AGPAT3: variants seen among roughly 807,000 people sequenced by gnomAD.
The protein encoded by AGPAT3 is 1-acyl-sn-glycerol-3-phosphate acyltransferase gamma.
A neutral mutation model predicts 47.3 loss-of-function variants in AGPAT3; 5 were observed. That is an observed-to-expected ratio of 0.11 (90% CI 0.06 to 0.22). AGPAT3 has a LOEUF of 0.22. AGPAT3 is among the 10% of genes least tolerant of loss of function. AGPAT3 has a pLI of 1.00. For synonymous variants in AGPAT3, 212 were observed against 208.3 expected (o/e 1.02, Z -0.15); for missense variants, 315 against 493.0 (o/e 0.64, Z 3.42).
At chr21:43,956,819 T>G (rs2088490077) in intron 2 of AGPAT3, among the ~76,000 whole-genome samples, 1 of 152,192 alleles carries the variant, frequency 6.6e-6, no homozygotes. Flanking sequence ...CGCTCACACA[T>G]CCTTGTGATG....
chr21:43,959,942 C>G (rs1271693395), intron 3 of AGPAT3, 83 bp downstream of exon 3: 1 of 1,442,970 alleles, frequency 6.9e-7, no homozygotes, highest in Non-Finnish European at 9.4e-7. Context: ...GCCGTGGGCT[C>G]TCAGGCAGGA....
chr21:43,880,414 C>T lies in AGPAT3; in HGVS notation c.-112+15069C>T, dbSNP rs939826501. Among the ~76,000 whole-genome samples, 8 of 152,164 alleles carry T rather than the reference C, an allele frequency of 5.3e-5. No homozygotes were observed. The highest frequency in any genetic ancestry group is 1.4e-4 in the African/African-American group (6 of 41,438). ...TTCTGGTGCCACTTCCTCAGGTATG[C>T]GAGGGCTGCCTTTGTAAGTCACTGG... On this transcript the variant is annotated intron_variant, in intron 1 of 9. Transcript: ENST00000291572. This position sits in a 1 kb window ranked among gnomAD's most constrained non-coding sequence, Gnocchi z 4.5.
In AGPAT3 at chr21:43,932,979, C is replaced by A. The variant is rs2087304771; in HGVS notation, c.-48-26655C>A. Among the ~76,000 whole-genome samples, 1 of 152,138 alleles carries A rather than the reference C, an allele frequency of 6.6e-6. No individual in the cohort carries two copies. The highest frequency in any genetic ancestry group is 2.4e-5 in the African/African-American group (1 of 41,418). On this transcript the variant is annotated intron_variant, in intron 2 of 9. Transcript: ENST00000291572. The surrounding 1 kb of genome is among the most constrained non-coding windows in gnomAD (Gnocchi z 5.2). The stretch of plus-strand genomic sequence containing the variant: ...GTTCCATTTTTGACTTTTGGAGGCA[C>A]CTCCAGATGGTTTGTGTAGTGGCCA...
At chr21:43,962,282 G>A (rs555713005) in intron 3 of AGPAT3, among the ~76,000 whole-genome samples, 5 of 152,080 alleles carry the variant, frequency 3.3e-5, no homozygotes, top group South Asian at 2.1e-4. Flanking sequence ...GATTACAGGC[G>A]TGAGCCACCG....
At chr21:43,892,438 G>A (rs2086122419) in intron 1 of AGPAT3, among the ~76,000 whole-genome samples, 1 of 152,310 alleles carries the variant, frequency 6.6e-6, no homozygotes, top group South Asian at 2.1e-4. Context: ...GTGACCACGT[G>A]CATTGGCAAT....
At chr21:43,974,073 G>A (rs2089503823) in intron 7 of AGPAT3, among the ~76,000 whole-genome samples, 2 of 151,986 alleles carry the variant, frequency 1.3e-5, no homozygotes, top group Non-Finnish European at 2.9e-5. Flanking sequence ...GTGTGTGTGT[G>A]TTCATGTGGG....
chr21:43,915,468 G>A (rs1340989013), intron 2 of AGPAT3, among the ~76,000 whole-genome samples: 1 of 122,712 alleles, frequency 8.1e-6, no homozygotes, highest in African/African-American at 3.2e-5. Context: ...CTGGAGTGCA[G>A]TGGTGCGATC....
chr21:43,872,373 G>C (rs1211819045), intron 1 of AGPAT3, among the ~76,000 whole-genome samples: 1 of 152,044 alleles, frequency 6.6e-6, no homozygotes, highest in Admixed American at 6.5e-5. Context: ...TAGAGACAGG[G>C]TTTCACCATG....
At position 43,885,111 on chromosome 21, in the gene AGPAT3, C is replaced by T. The variant is rs115504871; in HGVS notation, c.-111-18846C>T. On this transcript the variant is annotated intron_variant, in intron 1 of 9. Transcript: ENST00000291572. ...TGGCCCCTGACCTGTGTACACTGGC[C>T]GGCCGTGCTCCCCTCACCCTGCGGC... Among the ~76,000 whole-genome samples the T allele has an allele frequency of 4.5e-3, 685 of 152,350 alleles. 4 individuals are homozygous for T. Among genetic ancestry groups the T allele is most frequent in the African/African-American group, 0.016 (659 of 41,570 alleles).
chr21:43,881,617 A>G (rs766628756), intron 1 of AGPAT3, among the ~76,000 whole-genome samples: 10 of 152,258 alleles, frequency 6.6e-5, no homozygotes, highest in Non-Finnish European at 1.0e-4. Flanking sequence ...TACACGTAGA[A>G]ATGATAATAT....
At chr21:43,907,056 G>A (rs1292230183) in intron 2 of AGPAT3, among the ~76,000 whole-genome samples, 1 of 149,514 alleles carries the variant, frequency 6.7e-6, no homozygotes, top group South Asian at 2.1e-4. Flanking sequence ...TTTTGAGAGG[G>A]GGTCTCTCTC....
At chr21:43,942,790 C>A (rs186161878) in intron 2 of AGPAT3, among the ~76,000 whole-genome samples, 1 of 152,176 alleles carries the variant, frequency 6.6e-6, no homozygotes, top group Non-Finnish European at 1.5e-5. Flanking sequence ...TAGCCCCCTT[C>A]GGTGGCTCAC....
Position 43,927,808 on chromosome 21 carries a change from C to T in AGPAT3, c.-49+23789C>T, listed in dbSNP as rs530521838. On this transcript the variant is annotated intron_variant, in intron 2 of 9. Coordinates refer to ENST00000291572, the MANE Select transcript of AGPAT3 (RefSeq NM_020132.5). ...CCTCATCTGTAAGGTGTAAGGGCTT[C>T]CATGAGGAGCAAATGTGTGGGGCCA... is the stretch of plus-strand genomic sequence containing the variant. Among the ~76,000 whole-genome samples, 4 of 152,332 alleles carry T rather than the reference C, an allele frequency of 2.6e-5. No individual in the cohort carries two copies. The East Asian group carries it at 7.7e-4, about 29-fold the overall frequency.
At position 43,908,904 on chromosome 21, in the gene AGPAT3, GC is replaced by G. The variant is rs983062552; in HGVS notation, c.-49+4889del. On this transcript the variant is annotated intron_variant, in intron 2 of 9. Transcript: ENST00000291572. The surrounding 1 kb of genome is among the most constrained non-coding windows in gnomAD (Gnocchi z 4.9). ...GGCTCAGCTCACACGGTCCCCGGAT[GC>G]CCCTGCTGTGCTCCGAGGTTGGCCT... Among the ~76,000 whole-genome samples, 46 of 152,260 alleles carry G rather than the reference GC, an allele frequency of 3.0e-4. No individual in the cohort carries two copies. Among genetic ancestry groups the G allele is most frequent in the African/African-American group, 1.1e-3 (44 of 41,558 alleles).
In AGPAT3 at chr21:43,955,798, C is replaced by G. The variant is rs547956040; in HGVS notation, c.-48-3836C>G. 6.6e-6 allele frequency among the ~76,000 whole-genome samples: 1 copy of G among 150,998 alleles called. No individual in the cohort carries two copies. The highest frequency in any genetic ancestry group is 1.5e-5 in the Non-Finnish European group (1 of 67,886). The stretch of plus-strand genomic sequence containing the variant: ...GTGCATACCTGTGGTCCCAGCTACT[C>G]GGGAGGCTGAGGCATGAGAATTGCT... On this transcript the variant is annotated intron_variant, in intron 2 of 9. Coordinates refer to ENST00000291572, the MANE Select transcript of AGPAT3 (RefSeq NM_020132.5). The surrounding 1 kb of genome is among the most constrained non-coding windows in gnomAD (Gnocchi z 4.1).
Position 43,939,051 on chromosome 21 carries a change from G to A in AGPAT3, c.-48-20583G>A, listed in dbSNP as rs1569076332. ...CACAGTTTCCCACAGAGCACGCAGG[G>A]GCCGCACCAGGGCTGGGACGGGGCT... On this transcript the variant is annotated intron_variant, in intron 2 of 9. Coordinates refer to ENST00000291572, the MANE Select transcript of AGPAT3 (RefSeq NM_020132.5). This position sits in a 1 kb window ranked among gnomAD's most constrained non-coding sequence, Gnocchi z 4.4. 6.6e-6 allele frequency among the ~76,000 whole-genome samples: 1 copy of A among 152,308 alleles called. No homozygotes were observed. Among genetic ancestry groups the A allele is most frequent in the African/African-American group, 2.4e-5 (1 of 41,562 alleles).
chr21:43,873,256 C>T (rs553523199), intron 1 of AGPAT3, among the ~76,000 whole-genome samples: 10 of 152,276 alleles, frequency 6.6e-5, no homozygotes, highest in East Asian at 5.8e-4. Context: ...GTGCTACATT[C>T]GCCATGGAAA....
rs2029902589 is a variant in AGPAT3, at chr21:43,983,291, CAGA to C, written c.*905_*907del. 6.6e-6 allele frequency: 1 copy of C among 152,266 alleles called. No individual in the cohort carries two copies. The highest frequency in any genetic ancestry group is 1.5e-5 in the Non-Finnish European group (1 of 68,062). 9.4% of individuals were successfully genotyped at this position (152,266 alleles called of 1,614,324 possible). A position where few individuals can be genotyped will look rare whatever the true frequency, so the allele number is the denominator to read the frequency against. ...CAGCCTGTGGGACTCTAGGATGCTT[CAGA>C]AGAAGCGACGGCACCGTCAACCCTC... On this transcript the variant is annotated 3_prime_UTR_variant, in exon 10 of 10. Coordinates refer to ENST00000291572, the MANE Select transcript of AGPAT3 (RefSeq NM_020132.5).
intron 1 of AGPAT3, among the ~76,000 whole-genome samples, chr21:43,903,325 C>T (rs2086400744): frequency 6.6e-6 from 1 of 152,102 alleles, no homozygotes; most frequent in African/African-American, 2.4e-5. Context: ...TGGAGATGGA[C>T]AGGGGTGATG....
Sources: allele counts gnomAD v4.1 joint callset (sites outside exome capture counted in the v4.1 genomes callset), GRCh38; gene constraint gnomAD v4.1.1; non-coding constraint Gnocchi (gnomAD v3.1); transcripts MANE v1.5; gene names NCBI Gene and HGNC (gene_info 2026-07-23, HGNC 2026-07-21).